The following RAI14 variants were observed in gnomAD, a reference collection of about 807,000 sequenced individuals.
RAI14 encodes the protein ankycorbin.
A neutral mutation model predicts 115.4 loss-of-function variants in RAI14; 45 were observed. That is an observed-to-expected ratio of 0.39 (90% CI 0.31 to 0.50). The LOEUF is 0.50. Ranked by LOEUF, RAI14 falls within the 20% of genes least tolerant of loss-of-function variation. The pLI, the probability that RAI14 is intolerant of heterozygous loss-of-function variation, is 0.85. For missense variants in RAI14, 939 were observed against 1,131.2 expected (o/e 0.83, Z 2.44); for synonymous variants, 371 against 415.4 (o/e 0.89, Z 1.30).
intron 2 of RAI14, among the ~76,000 whole-genome samples, chr5:34,748,829 A>G (rs1450296995): frequency 1.3e-5 from 2 of 151,776 alleles, no homozygotes; most frequent in African/African-American, 2.4e-5. Flanking sequence ...AAAAAAAAAA[A>G]AAGAAAATTT....
intron 1 of RAI14, among the ~76,000 whole-genome samples, chr5:34,664,792 A>T (rs1742979588): frequency 6.6e-6 from 1 of 150,950 alleles, no homozygotes; most frequent in Non-Finnish European, 1.5e-5. Flanking sequence ...TTTCCTCCTG[A>T]GTCCCCAAAG....
At chr5:34,752,749 G>GTGTGTATATATA (rs371462831) in intron 2 of RAI14, among the ~76,000 whole-genome samples, 1 of 107,054 alleles carries the variant, frequency 9.3e-6, no homozygotes, top group African/African-American at 3.8e-5. Flanking sequence ...GTGTGTGTGT[G>GTGTGTATATATA]TATATATATA....
intron 1 of RAI14, among the ~76,000 whole-genome samples, chr5:34,672,844 C>G (rs1009744042): frequency 5.3e-5 from 8 of 151,824 alleles, no homozygotes; most frequent in Middle Eastern, 3.4e-3. Context: ...TCACCCCATA[C>G]CCCAGGGAAA....
At chr5:34,809,345 C>G (rs941018826) in intron 7 of RAI14, among the ~76,000 whole-genome samples, 9 of 152,088 alleles carry the variant, frequency 5.9e-5, no homozygotes, top group African/African-American at 2.2e-4. Flanking sequence ...TGTAGTAATT[C>G]TCGACCACTG....
At chr5:34,717,145 C>G (rs1742099093) in intron 2 of RAI14, among the ~76,000 whole-genome samples, 1 of 152,110 alleles carries the variant, frequency 6.6e-6, no homozygotes, top group Admixed American at 6.5e-5. Flanking sequence ...AAAACACATG[C>G]ATTTCTTTCA....
chr5:34,723,050 A>G (rs569043275), intron 2 of RAI14, among the ~76,000 whole-genome samples: 4 of 150,404 alleles, frequency 2.7e-5, no homozygotes, highest in African/African-American at 9.8e-5. Context: ...CAGTGAGCCA[A>G]GATTGCACCA....
intron 3 of RAI14, among the ~76,000 whole-genome samples, chr5:34,789,997 A>G (rs1031973261): frequency 2.6e-5 from 4 of 152,204 alleles, no homozygotes; most frequent in African/African-American, 4.8e-5. Context: ...TGATAAAGCT[A>G]TAAGGTTGGA....
In RAI14 at chr5:34,827,645, C is replaced by T. The variant is rs1757582302; in HGVS notation, c.2799+1166C>T. On this transcript the variant is annotated intron_variant, in intron 16 of 17. Coordinates refer to ENST00000265109, the MANE Select transcript of RAI14 (RefSeq NM_015577.3). This position sits in a 1 kb window ranked among gnomAD's most constrained non-coding sequence, Gnocchi z 4.2. ...GAAACAGCTCTAGAAATGGTGGATA[C>T]TTAGGAGAAGCTGCTCTTTACTGTG... 6.6e-6 allele frequency among the ~76,000 whole-genome samples: 1 copy of T among 152,226 alleles called. No homozygotes were observed. The highest frequency in any genetic ancestry group is 1.5e-5 in the Non-Finnish European group (1 of 68,048).
chr5:34,700,607 C>T (rs900264878), intron 2 of RAI14, among the ~76,000 whole-genome samples: 1 of 152,210 alleles, frequency 6.6e-6, no homozygotes, highest in Non-Finnish European at 1.5e-5. Flanking sequence ...TCAGCATTTA[C>T]CACTTTATCC....
intron 7 of RAI14, among the ~76,000 whole-genome samples, chr5:34,809,234 T>G (rs1755293360): frequency 6.6e-6 from 1 of 152,230 alleles, no homozygotes; most frequent in African/African-American, 2.4e-5. Context: ...ATTTTTATTA[T>G]TATTATTTTC....
intron 13 of RAI14, among the ~76,000 whole-genome samples, chr5:34,821,022 A>G (rs1756768909): frequency 6.6e-6 from 1 of 152,226 alleles, no homozygotes; most frequent in Non-Finnish European, 1.5e-5. Flanking sequence ...TTGAGAATGT[A>G]GAGGGTGTGA....
chr5:34,718,355 CCTGTT>C (rs1366287140), intron 2 of RAI14, among the ~76,000 whole-genome samples: 2 of 152,302 alleles, frequency 1.3e-5, no homozygotes, highest in Admixed American at 6.5e-5. Flanking sequence ...ACATGAGAAA[CCTGTT>C]CTAACATACA....
At chr5:34,801,729 G>T (rs1471627512) in intron 4 of RAI14, among the ~76,000 whole-genome samples, 1 of 135,936 alleles carries the variant, frequency 7.4e-6, no homozygotes, top group Non-Finnish European at 1.6e-5. Flanking sequence ...TGACAGATAA[G>T]ACTTTCTAAA....
At chr5:34,673,576 C>T (rs1743766185) in intron 1 of RAI14, among the ~76,000 whole-genome samples, 1 of 152,152 alleles carries the variant, frequency 6.6e-6, no homozygotes, top group South Asian at 2.1e-4. Flanking sequence ...TCACTTGCAA[C>T]CTAAGAGTAC....
chr5:34,698,375 G>A (rs1739601662), intron 2 of RAI14, among the ~76,000 whole-genome samples: 1 of 151,782 alleles, frequency 6.6e-6, no homozygotes, highest in African/African-American at 2.4e-5. Flanking sequence ...GCCTAGCACA[G>A]TGCCTGGCAT....
intron 2 of RAI14, among the ~76,000 whole-genome samples, chr5:34,738,959 G>A (rs1161413242): frequency 2.6e-5 from 4 of 152,166 alleles, no homozygotes; most frequent in South Asian, 4.1e-4. Flanking sequence ...AAGTATGGTG[G>A]CAGCTGAAGC....
At chr5:34,698,052 C>T (rs1278532003) in intron 2 of RAI14, among the ~76,000 whole-genome samples, 2 of 126,346 alleles carry the variant, frequency 1.6e-5, no homozygotes, top group East Asian at 2.5e-4. Flanking sequence ...CTCCCTTCCC[C>T]ACCCCTCCCC....
intron 3 of RAI14, among the ~76,000 whole-genome samples, chr5:34,767,591 G>GCCCCCCCCCCCCCCCCCCCCCCCCCCC (rs1561334151): frequency 3.4e-5 from 4 of 116,750 alleles, no homozygotes; most frequent in Admixed American, 1.8e-4. Context: ...CACCGCCACC[G>GCCCCCCCCCCCCCCCCCCCCCCCCCCC]CCCCCACCAC....
chr5:34,829,985 A>G lies in RAI14; in HGVS notation c.2865+188A>G. The G allele has an allele frequency of 1.7e-5, 9 of 541,180 alleles. 1 individual carries two copies. In the South Asian group the frequency reaches 2.5e-4, roughly 15 times the overall value. 33.5% of individuals were successfully genotyped at this position (541,180 alleles called of 1,614,324 possible). Reference sequence around the variant, plus strand: ...TCAGGAGCCTTGTGCCCTGTTTACCAGGAACAGCCCCATCTTTTAAAGCAG... The same window carrying G: ...TCAGGAGCCTTGTGCCCTGTTTACCGGGAACAGCCCCATCTTTTAAAGCAG... On this transcript the variant is annotated intron_variant, in intron 17 of 17. Coordinates refer to ENST00000265109, the MANE Select transcript of RAI14 (RefSeq NM_015577.3).
Sources: allele counts gnomAD v4.1 joint callset (sites outside exome capture counted in the v4.1 genomes callset), GRCh38; gene constraint gnomAD v4.1.1; non-coding constraint Gnocchi (gnomAD v3.1); transcripts MANE v1.5; gene names NCBI Gene and HGNC (gene_info 2026-07-23, HGNC 2026-07-21).